Variants in FAM222B observed in about 807,000 individuals in gnomAD.
FAM222B encodes the protein family with sequence similarity 222 member B.
In FAM222B, 12 loss-of-function variants were observed where a neutral mutation model predicts 38.0. The observed-to-expected ratio is 0.32, with a 90% CI of 0.20 to 0.51. The LOEUF is 0.51. FAM222B is among the 20% of genes least tolerant of loss of function. The pLI is 0.97. For missense variants in FAM222B, 716 were observed against 754.2 expected (o/e 0.95, Z 0.59); for synonymous variants, 329 against 317.2 (o/e 1.04, Z -0.40).
At chr17:28,828,343 A>T (rs961109088) in intron 1 of FAM222B, among the ~76,000 whole-genome samples, 3 of 151,662 alleles carry the variant, frequency 2.0e-5, no homozygotes, top group African/African-American at 7.3e-5. Context: ...TGACCAGATC[A>T]CTTGATCCCA....
intron 1 of FAM222B, among the ~76,000 whole-genome samples, chr17:28,841,944 TTCTTA>T (rs1177369830): frequency 1.8e-4 from 28 of 152,312 alleles, no homozygotes; most frequent in African/African-American, 5.8e-4. Context: ...AACAATACGC[TTCTTA>T]TCTTAACAGA....
rs1840128215 is a variant in FAM222B at position 28,767,347 on chromosome 17, GGGGTTTCACC to G, written c.-40-650_-40-641del. Among the ~76,000 whole-genome samples the G allele has an allele frequency of 2.0e-5, 3 of 152,162 alleles. No homozygotes were observed. In the South Asian group the frequency reaches 6.2e-4, roughly 32 times the overall value. ...ATTTCTTTGTATTTTTAGTAGAGAC[GGGGTTTCACC>G]ATGTTGGCCAGGCTGGTCTCGAACT... On this transcript the variant is annotated intron_variant, in intron 1 of 2. Coordinates refer to ENST00000581407, the MANE Select transcript of FAM222B (RefSeq NM_001077498.3).
At chr17:28,815,484 G>A (rs769355842) in intron 1 of FAM222B, among the ~76,000 whole-genome samples, 96 of 151,680 alleles carry the variant, frequency 6.3e-4, no homozygotes, top group Non-Finnish European at 3.4e-4. Flanking sequence ...AAAGTGCTGG[G>A]ATTACAGGCG....
At chr17:28,761,091 G>GA (rs2035050944) in intron 2 of FAM222B, among the ~76,000 whole-genome samples, 2 of 152,312 alleles carry the variant, frequency 1.3e-5, no homozygotes, top group South Asian at 4.1e-4. Flanking sequence ...AAAGAAAGAG[G>GA]AAAAACCTGC....
intron 1 of FAM222B, among the ~76,000 whole-genome samples, chr17:28,830,561 CAA>C (rs748421022): frequency 1.9e-4 from 29 of 152,212 alleles, no homozygotes; most frequent in Non-Finnish European, 3.4e-4. Context: ...TTCTGCAAAG[CAA>C]AAGTTTTTAA....
intron 1 of FAM222B, among the ~76,000 whole-genome samples, chr17:28,830,840 A>C (rs995816225): frequency 1.3e-5 from 2 of 151,404 alleles, no homozygotes; most frequent in Non-Finnish European, 2.9e-5. Context: ...AAAATAAAAT[A>C]AAATAAAGTT....
chr17:28,779,751 A>AAAT (rs2036081313), intron 1 of FAM222B, among the ~76,000 whole-genome samples: 4 of 144,594 alleles, frequency 2.8e-5, no homozygotes, highest in African/African-American at 1.0e-4. Flanking sequence ...ACTCCGTCTC[A>AAAT]AAATAAATAA....
intron 1 of FAM222B, among the ~76,000 whole-genome samples, chr17:28,768,837 A>G (rs946339146): frequency 1.3e-4 from 4 of 29,978 alleles, no homozygotes; most frequent in African/African-American, 4.8e-4. Flanking sequence ...ACTCTGTCTC[A>G]AAAAAAAAAA....
At position 28,832,811 on chromosome 17, in the gene FAM222B, T is replaced by C. The variant is rs959036552; in HGVS notation, c.-41+9871A>G. 5.9e-5 allele frequency among the ~76,000 whole-genome samples: 9 copies of C among 151,810 alleles called. No individual in the cohort carries two copies. The East Asian group carries it at 1.3e-3, about 23-fold the overall frequency. The stretch of plus-strand genomic sequence containing the variant: ...AGCAAGAAGGGGGAGAAGTTGAAAA[T>C]AGGATGTCCTACCTTGCAAACAAGC... On this transcript the variant is annotated intron_variant, in intron 1 of 2. Transcript: ENST00000581407.
intron 1 of FAM222B, among the ~76,000 whole-genome samples, chr17:28,853,391 G>C (rs2039196975): frequency 6.6e-6 from 1 of 151,528 alleles, no homozygotes; most frequent in Admixed American, 6.6e-5. Flanking sequence ...AGAAAGAATG[G>C]GAGAAGAGAA....
At chr17:28,845,448 G>T (rs2039138916), upstream of FAM222B, among the ~76,000 whole-genome samples, 1 of 150,736 alleles carries the variant, frequency 6.6e-6, no homozygotes, top group African/African-American at 2.4e-5. Flanking sequence ...GCGTGGTGGT[G>T]GGCGCCTGTA....
In FAM222B at chr17:28,758,816, A is replaced by C. The variant is rs1463552132; in HGVS notation, c.1143T>G (p.Ser381Arg). 1 of 1,586,398 alleles carries C rather than the reference A, an allele frequency of 6.3e-7. No homozygotes were observed. Residue 381 changes from serine (S) to arginine (R), a missense_variant, in exon 3 of 3, where the codon AGT becomes AGG. Ser to Arg is a moderately radical substitution (Grantham distance 110). Coordinates refer to ENST00000581407, the MANE Select transcript of FAM222B (RefSeq NM_001077498.3). ...CTGTCAGGCCAGGGGCTGGCGTCCC[A>C]CTAGCCTCGCTGCACATCTGCTGTA... ...AHLQQMCSEASGTPAPGLTGK... is the reference protein window; with the variant it reads ...AHLQQMCSEARGTPAPGLTGK...
chr17:28,831,493 C>T (rs2038666513), intron 1 of FAM222B, among the ~76,000 whole-genome samples: 1 of 144,048 alleles, frequency 6.9e-6, no homozygotes, highest in African/African-American at 2.5e-5. Context: ...TTAGAATTAG[C>T]TTGTCAAAGG....
At chr17:28,804,813 T>C (rs1357143030) in intron 1 of FAM222B, among the ~76,000 whole-genome samples, 3 of 151,210 alleles carry the variant, frequency 2.0e-5, no homozygotes, top group African/African-American at 4.8e-5. Context: ...GAGGCCAAGG[T>C]GGGCAGATCA....
chr17:28,805,332 C>T (rs999037759), intron 1 of FAM222B, among the ~76,000 whole-genome samples: 1 of 152,144 alleles, frequency 6.6e-6, no homozygotes, highest in East Asian at 1.9e-4. Context: ...GCCAGAAGTT[C>T]GAGACCAACC....
In FAM222B at chr17:28,762,564, T is replaced by G. The variant is rs1269286991; in HGVS notation, c.83-2688A>C. On this transcript the variant is annotated intron_variant, in intron 2 of 2. Coordinates refer to ENST00000581407, the MANE Select transcript of FAM222B (RefSeq NM_001077498.3). ...ATTGCTTGAACCCGGCAGGTGGAGG[T>G]TGCAGTGAGCAAAGATTGCACCACT... is the stretch of plus-strand genomic sequence containing the variant. Among the ~76,000 whole-genome samples the G allele has an allele frequency of 2.1e-5, 3 of 140,984 alleles. No individual in the cohort carries two copies. The East Asian group carries it at 6.3e-4, about 29-fold the overall frequency. 92.5% of individuals were successfully genotyped at this position (140,984 alleles called of 152,430 possible). A position where few individuals can be genotyped will look rare whatever the true frequency, so the allele number is the denominator to read the frequency against.
chr17:28,820,505 A>G (rs1414243580), intron 1 of FAM222B, among the ~76,000 whole-genome samples: 1 of 152,202 alleles, frequency 6.6e-6, no homozygotes, highest in Non-Finnish European at 1.5e-5. Flanking sequence ...GAGTGTTTCT[A>G]TTGATTGGCT....
rs1326776242 is a variant in FAM222B, at chr17:28,758,939, T to C, written c.1020A>G (p.Ala340=). ...TGCCTGTGGGCAGGTTGACAGGACC[T>C]GCAGCAGGCAACGCGGCGGTGGCCG... ...THAATAALPA[A]GPVNLPTGIS... is the part of the protein sequence containing the mutation. Residue 340 remains alanine (A), a synonymous_variant, in exon 3 of 3, where the codon GCA becomes GCG. Transcript: ENST00000581407. 6.2e-7 allele frequency: 1 copy of C among 1,609,846 alleles called. No individual in the cohort carries two copies. The highest frequency in any genetic ancestry group is 8.5e-7 in the Non-Finnish European group (1 of 1,178,428).
chr17:28,769,995 T>C (rs527800153), intron 1 of FAM222B, among the ~76,000 whole-genome samples: 2 of 152,274 alleles, frequency 1.3e-5, no homozygotes, highest in Admixed American at 6.5e-5. Context: ...ATTTCCCTCA[T>C]TTTTTTCTTT....
Sources: gnomAD v4.1 joint callset for allele counts (sites outside exome capture counted in the v4.1 genomes callset) on GRCh38, gnomAD v4.1.1 for gene constraint, MANE v1.5 for transcripts, NCBI Gene and HGNC (gene_info 2026-07-23, HGNC 2026-07-21) for gene names.